Variants in USH2A observed in about 807,000 individuals in gnomAD.
USH2A encodes the protein Usher syndrome 2A (autosomal recessive, mild).
In USH2A, 443 loss-of-function variants were observed where a neutral mutation model predicts 538.9. The ratio of observed to expected loss-of-function variants is 0.82; its 90% CI spans 0.76 to 0.89. The LOEUF is 0.89. USH2A is among the 40% of genes least tolerant of loss of function. The probability of loss-of-function intolerance (pLI) is 0.00; values close to 1 mark genes in which losing one functional copy is unlikely to be tolerated. For synonymous variants in USH2A, 2,413 were observed against 2,273.5 expected (o/e 1.06, Z -1.75); for missense variants, 6,633 against 6,324.8 (o/e 1.05, Z -1.65).
chr1:215,888,709 G>A lies in USH2A; in HGVS notation c.7940C>T (p.Pro2647Leu). Residue 2647 changes from proline (P) to leucine (L), a missense_variant, in exon 41 of 72, where the codon CCT becomes CTT. Transcript: ENST00000307340. Reference protein sequence around the residue: ...PTSVIISWQPPTHPNGLVENF... With the variant: ...PTSVIISWQPLTHPNGLVENF... Reference sequence around the variant, plus strand: ...CTCCACCAAGCCATTGGGGTGGGTAGGGGGTTGCCAAGATATAATCACAGA... The same window carrying A: ...CTCCACCAAGCCATTGGGGTGGGTAAGGGGTTGCCAAGATATAATCACAGA... 6.2e-7 allele frequency: 1 copy of A among 1,614,152 alleles called. No homozygotes were observed. The highest frequency in any genetic ancestry group is 8.5e-7 in the Non-Finnish European group (1 of 1,180,006).
intron 70 of USH2A, among the ~76,000 whole-genome samples, chr1:215,630,722 G>A (rs911023058): frequency 2.0e-5 from 3 of 151,104 alleles, no homozygotes; most frequent in Non-Finnish European, 4.4e-5. Context: ...GCATGGTGGC[G>A]GGCGCCTGTA....
chr1:216,205,125 A>T (rs1167380839), intron 16 of USH2A, among the ~76,000 whole-genome samples: 2 of 152,184 alleles, frequency 1.3e-5, no homozygotes, highest in Non-Finnish European at 2.9e-5. Flanking sequence ...TATCATTGAT[A>T]GTTTTAAGTT....
chr1:216,392,284 G>A (rs569902781), intron 3 of USH2A, among the ~76,000 whole-genome samples: 1 of 151,896 alleles, frequency 6.6e-6, no homozygotes, highest in Non-Finnish European at 1.5e-5. Flanking sequence ...GGATCACAAG[G>A]TCAGGAAATC....
chr1:216,385,242 G>T (rs558110870), intron 3 of USH2A, among the ~76,000 whole-genome samples: 1 of 152,290 alleles, frequency 6.6e-6, no homozygotes, highest in East Asian at 1.9e-4. Flanking sequence ...ATGAGGAGTG[G>T]ATGAATGAGC....
intron 21 of USH2A, among the ~76,000 whole-genome samples, chr1:216,123,323 G>A (rs1387612375): frequency 6.6e-6 from 1 of 152,194 alleles, no homozygotes; most frequent in African/African-American, 2.4e-5. Flanking sequence ...ATTAAGTCTT[G>A]TAAAACAAAA....
At chr1:216,084,295 T>C (rs1182128923) in intron 25 of USH2A, among the ~76,000 whole-genome samples, 1 of 152,124 alleles carries the variant, frequency 6.6e-6, no homozygotes, top group Non-Finnish European at 1.5e-5. Flanking sequence ...ACTAAGAACA[T>C]TGTTCTTCTA....
At chr1:216,237,121 T>A (rs1472382019) in intron 13 of USH2A, among the ~76,000 whole-genome samples, 1 of 152,150 alleles carries the variant, frequency 6.6e-6, no homozygotes, top group Non-Finnish European at 1.5e-5. Flanking sequence ...ATTCCAACCA[T>A]CTCCAGAATT....
intron 27 of USH2A, among the ~76,000 whole-genome samples, chr1:216,075,283 GC>G (rs1465061925): frequency 6.6e-6 from 1 of 152,154 alleles, no homozygotes; most frequent in African/African-American, 2.4e-5. Context: ...CCTTCCAGTG[GC>G]AACCAAAGAG....
chr1:216,190,894 C>T (rs554209617), intron 19 of USH2A, among the ~76,000 whole-genome samples: 8 of 152,000 alleles, frequency 5.3e-5, no homozygotes, highest in East Asian at 1.9e-4. Flanking sequence ...TGAGCATCCA[C>T]GTTAAGTCAA....
intron 4 of USH2A, among the ~76,000 whole-genome samples, chr1:216,364,222 G>A (rs1176242225): frequency 6.6e-6 from 1 of 151,890 alleles, no homozygotes; most frequent in East Asian, 1.9e-4. Flanking sequence ...CATCAGTCCA[G>A]TTAATTACAT....
intron 47 of USH2A, among the ~76,000 whole-genome samples, chr1:215,833,683 A>C (rs982464631): frequency 6.6e-6 from 1 of 152,054 alleles, no homozygotes; most frequent in Non-Finnish European, 1.5e-5. Flanking sequence ...TCAAGGAAAA[A>C]GTAACAAATC....
chr1:216,123,603 C>T (rs2033180342), intron 21 of USH2A, among the ~76,000 whole-genome samples: 1 of 151,976 alleles, frequency 6.6e-6, no homozygotes, highest in Admixed American at 6.6e-5. Context: ...TATTGTAAGC[C>T]TTTGAAAACA....
intron 3 of USH2A, among the ~76,000 whole-genome samples, chr1:216,415,855 A>C (rs2102780020): frequency 6.6e-6 from 1 of 152,094 alleles, no homozygotes; most frequent in African/African-American, 2.4e-5. Context: ...ACTTTTGAGT[A>C]ATCAGTACAT....
At chr1:215,638,315 T>A (rs933677468) in intron 69 of USH2A, among the ~76,000 whole-genome samples, 1 of 152,178 alleles carries the variant, frequency 6.6e-6, no homozygotes, top group African/African-American at 2.4e-5. Context: ...AATTCAATAT[T>A]TGGCATTTTA....
At chr1:216,413,434 G>C (rs1436680394) in intron 3 of USH2A, among the ~76,000 whole-genome samples, 3 of 152,080 alleles carry the variant, frequency 2.0e-5, no homozygotes, top group Admixed American at 6.6e-5. Flanking sequence ...TGGGCATACA[G>C]TTCAGAGATT....
intron 21 of USH2A, among the ~76,000 whole-genome samples, chr1:216,115,774 T>G (rs750357397): frequency 6.6e-6 from 1 of 151,684 alleles, no homozygotes; most frequent in South Asian, 2.1e-4. Context: ...GGAAAACAAT[T>G]GTGTCTCAAA....
chr1:216,310,685 A>G (rs1388426996), intron 9 of USH2A, among the ~76,000 whole-genome samples: 1 of 152,110 alleles, frequency 6.6e-6, no homozygotes, highest in African/African-American at 2.4e-5. Context: ...TTTCTGATAG[A>G]TTTTTTAAAA....
chr1:216,180,260 T>C (rs746555242), intron 20 of USH2A, among the ~76,000 whole-genome samples: 16 of 152,080 alleles, frequency 1.1e-4, no homozygotes, highest in Admixed American at 5.2e-4. Context: ...CTAAGGATAA[T>C]ATACAAAGTT....
chr1:215,678,607 T>C (rs1658113903), intron 62 of USH2A, among the ~76,000 whole-genome samples: 1 of 152,198 alleles, frequency 6.6e-6, no homozygotes, highest in South Asian at 2.1e-4. Context: ...ATTTTCTTTA[T>C]AGCATTCATC....
Sources: gnomAD v4.1 joint callset for allele counts (sites outside exome capture counted in the v4.1 genomes callset) on GRCh38, gnomAD v4.1.1 for gene constraint, MANE v1.5 for transcripts, NCBI Gene and HGNC (gene_info 2026-07-23, HGNC 2026-07-21) for gene names.